Variants in HIP1 observed in about 807,000 individuals in gnomAD.
HIP1 encodes the protein huntingtin-interacting protein 1.
HIP1 carries 65 observed loss-of-function variants against 147.6 expected under a neutral mutation model. The ratio of observed to expected loss-of-function variants is 0.44; its 90% CI spans 0.36 to 0.54. The LOEUF is 0.54. Among genes scored for constraint, HIP1 ranks in the 20% least tolerant of loss-of-function variants. The probability of loss-of-function intolerance (pLI) is 0.00; values close to 1 mark genes in which losing one functional copy is unlikely to be tolerated. For missense variants in HIP1, 1,061 were observed against 1,299.6 expected, an observed-to-expected ratio of 0.82 and a Z score of 2.82; for synonymous variants, 479 against 504.0, an observed-to-expected ratio of 0.95 and a Z score of 0.67.
intron 7 of HIP1, among the ~76,000 whole-genome samples, chr7:75,578,246 G>A (rs587657725): frequency 1.3e-5 from 2 of 152,318 alleles, no homozygotes; most frequent in South Asian, 4.1e-4. Context: ...CAGGCAGGCA[G>A]CCGGCTCCAA....
In HIP1 at chr7:75,554,118, G is replaced by T. The variant is rs1461634116; in HGVS notation, c.2153C>A (p.Ala718Asp). 9.3e-6 allele frequency: 15 copies of T among 1,612,518 alleles called. No homozygotes were observed. The highest frequency in any genetic ancestry group is 1.1e-5 in the Non-Finnish European group (13 of 1,178,860). The stretch of plus-strand genomic sequence containing the variant: ...CCTCATGCCCCGGTACTCACAGTCG[G>T]CAGGCTCAGGTGGGGCTCTGAGGCA... The part of the protein sequence containing the change: ...TTCLRAPPEP[A>D]DSLTEACKQY... The change falls in exon 21 of 31, where the codon GCC becomes GAC. Residue 718 changes from alanine (A) to aspartate (D), a missense_variant. By Grantham distance (126) the Ala-to-Asp change is moderately radical. Coordinates refer to ENST00000336926, the MANE Select transcript of HIP1 (RefSeq NM_005338.7).
In HIP1 at chr7:75,568,694, T is replaced by G. The variant is rs1317662037; in HGVS notation, c.746-438A>C. Among the ~76,000 whole-genome samples, 3 of 152,148 alleles carry G rather than the reference T, an allele frequency of 2.0e-5. No individual in the cohort carries two copies. Among genetic ancestry groups the G allele is most frequent in the Non-Finnish European group, 4.4e-5 (3 of 68,014 alleles). ...GATCCGCAGAACCTGCCCAAGAGGA[T>G]GGCTGTCAGAAGGCAAAGAACAAGG... On this transcript the variant is annotated intron_variant, in intron 8 of 30. Transcript: ENST00000336926. This position sits in a 1 kb window ranked among gnomAD's most constrained non-coding sequence, Gnocchi z 4.1.
chr7:75,601,958 G>GA (rs1796997368), intron 1 of HIP1, among the ~76,000 whole-genome samples: 1 of 150,078 alleles, frequency 6.7e-6, no homozygotes, highest in Non-Finnish European at 1.5e-5. Context: ...CTTTGACCCA[G>GA]TAATCTCACT....
Position 75,664,361 on chromosome 7 carries a change from CATATATACACATACAT to C in HIP1, c.121-65130_121-65115del, listed in dbSNP as rs1799474796. ...ATGTGTGTATGTATACGTATACATACATATATACACATACATATGTGTATGTATACGTATACATACA... is the reference window on the plus strand; with the variant it reads ...ATGTGTGTATGTATACGTATACATACATGTGTATGTATACGTATACATACA... On this transcript the variant is annotated intron_variant, in intron 1 of 30. Coordinates refer to ENST00000336926, the MANE Select transcript of HIP1 (RefSeq NM_005338.7). Among the ~76,000 whole-genome samples the C allele has an allele frequency of 4.8e-5, 3 of 62,120 alleles. 1 individual carries two copies. In the Admixed American group the frequency reaches 6.1e-4, roughly 13 times the overall value. The allele number at this position is 62,120 out of a possible 152,430, so 40.8% of individuals were successfully genotyped here. A position where few individuals can be genotyped will look rare whatever the true frequency, so the allele number is the denominator to read the frequency against.
chr7:75,553,294 C>T (rs1554492464), intron 22 of HIP1, among the ~76,000 whole-genome samples, 159 bp downstream of exon 22: 1 of 151,898 alleles, frequency 6.6e-6, no homozygotes, highest in East Asian at 2.0e-4. Flanking sequence ...GCATAAATCA[C>T]TGCACCCGGC....
chr7:75,557,065 T>A (rs1218026218), intron 16 of HIP1, among the ~76,000 whole-genome samples: 1 of 148,090 alleles, frequency 6.8e-6, no homozygotes, highest in Non-Finnish European at 1.5e-5. Context: ...TGAGACGGAG[T>A]CTCGCTGTTG....
At chr7:75,581,337 T>A (rs1554498554) in intron 6 of HIP1, 39 bp from the exon 7 acceptor site, 1 of 1,540,476 alleles carries the variant, frequency 6.5e-7, no homozygotes, top group South Asian at 1.1e-5. Context: ...CTCCACAGCC[T>A]GAGGCCGGTC....
At chr7:75,620,244 G>A (rs587677514) in intron 1 of HIP1, among the ~76,000 whole-genome samples, 2 of 152,104 alleles carry the variant, frequency 1.3e-5, no homozygotes, top group Admixed American at 1.3e-4. Context: ...AAATTATCCA[G>A]GCGTGGTGGT....
At chr7:75,558,306 C>T in intron 14 of HIP1, 51 bp from the exon 15 acceptor site, 1 of 1,419,916 alleles carries the variant, frequency 7.0e-7, no homozygotes. Flanking sequence ...GGGACCCTTG[C>T]CTTCCTTGCA....
Position 75,555,501 on chromosome 7 carries a change from C to T in HIP1, c.1878G>A (p.Gly626=), listed in dbSNP as rs1794964829. 8 of 1,614,100 alleles carry T rather than the reference C, an allele frequency of 5.0e-6. No homozygotes were observed. The highest frequency in any genetic ancestry group is 6.8e-6 in the Non-Finnish European group (8 of 1,180,046). ...AKDQRKMLLV[G]SRKAAEQVIQ... is the part of the protein sequence containing the mutation. Reference sequence around the variant, plus strand: ...TCACCTGCTCCGCAGCCTTCCTGGACCCCACCAGAAGCATTTTTCGTTGGT... The same window carrying T: ...TCACCTGCTCCGCAGCCTTCCTGGATCCCACCAGAAGCATTTTTCGTTGGT... Residue 626 remains glycine (G), a synonymous_variant, in exon 19 of 31, where the codon GGG becomes GGA. Transcript: ENST00000336926.
chr7:75,541,095 C>A (rs189357829), intron 29 of HIP1, among the ~76,000 whole-genome samples: 2 of 150,244 alleles, frequency 1.3e-5, no homozygotes, highest in African/African-American at 4.9e-5. Flanking sequence ...AAGACCCCGT[C>A]TCTATCTTAT....
intron 7 of HIP1, among the ~76,000 whole-genome samples, chr7:75,574,919 T>C (rs936894037): frequency 1.3e-5 from 2 of 149,776 alleles, no homozygotes; most frequent in East Asian, 4.0e-4. Context: ...CAGCACTTTG[T>C]GAGGCCGAGG....
chr7:75,578,411 C>T (rs1014711373), intron 7 of HIP1, among the ~76,000 whole-genome samples: 2 of 152,320 alleles, frequency 1.3e-5, no homozygotes, highest in East Asian at 3.9e-4. Context: ...CGTGGTGGCT[C>T]ATGCCAATAA....
chr7:75,538,320 T>A, intron 30 of HIP1, 96 bp from the exon 31 acceptor site: 1 of 886,408 alleles, frequency 1.1e-6, no homozygotes, highest in South Asian at 1.3e-5. Flanking sequence ...CAAAAATACA[T>A]TATAATTATA....
intron 1 of HIP1, among the ~76,000 whole-genome samples, chr7:75,608,919 C>A (rs1554504329): frequency 6.6e-6 from 1 of 152,142 alleles, no homozygotes; most frequent in East Asian, 1.9e-4. Context: ...CCACAGAAGG[C>A]TCTTGAGCAG....
intron 1 of HIP1, among the ~76,000 whole-genome samples, chr7:75,725,191 T>C (rs577912832): frequency 1.1e-4 from 16 of 152,186 alleles, no homozygotes; most frequent in African/African-American, 3.9e-4. Flanking sequence ...ACCTGGCTAA[T>C]TAAAAAAATC....
chr7:75,715,217 C>A (rs1269945169), intron 1 of HIP1, among the ~76,000 whole-genome samples: 1 of 149,442 alleles, frequency 6.7e-6, no homozygotes, highest in Non-Finnish European at 1.5e-5. Flanking sequence ...CAGCGAGACC[C>A]TATCTCTGCC....
At chr7:75,639,870 A>T (rs943973520) in intron 1 of HIP1, among the ~76,000 whole-genome samples, 2 of 152,068 alleles carry the variant, frequency 1.3e-5, no homozygotes, top group East Asian at 3.9e-4. Flanking sequence ...CAGATGGGCA[A>T]TTGGGAGGAA....
chr7:75,584,275 T>G (rs1002887682), intron 5 of HIP1, among the ~76,000 whole-genome samples: 1 of 152,010 alleles, frequency 6.6e-6, no homozygotes, highest in African/African-American at 2.4e-5. Context: ...AAAAAAATTT[T>G]TTTTAAGAGA....
Sources: allele counts gnomAD v4.1 joint callset (sites outside exome capture counted in the v4.1 genomes callset), GRCh38; gene constraint gnomAD v4.1.1; non-coding constraint Gnocchi (gnomAD v3.1); transcripts MANE v1.5; gene names NCBI Gene and HGNC (gene_info 2026-07-23, HGNC 2026-07-21).